The following NLGN1 variants were observed in gnomAD, a reference collection of about 807,000 sequenced individuals.
NLGN1 encodes the protein neuroligin 1, also known as neuroligin-1.
A neutral mutation model predicts 65.5 loss-of-function variants in NLGN1; 12 were observed. The ratio of observed to expected loss-of-function variants is 0.18; its 90% confidence interval spans 0.12 to 0.30. The LOEUF is 0.30. Among genes scored for constraint, NLGN1 ranks in the 10% least tolerant of loss-of-function variants. The pLI is 1.00. For synonymous variants in NLGN1, 350 were observed against 359.5 expected, an observed-to-expected ratio of 0.97 and a Z score of 0.30; for missense variants, 750 against 1,007.1, an observed-to-expected ratio of 0.74 and a Z score of 3.46.
chr3:174,103,967 T>A (rs1449889731), intron 4 of NLGN1, among the ~76,000 whole-genome samples: 1 of 152,120 alleles, frequency 6.6e-6, no homozygotes, highest in Non-Finnish European at 1.5e-5. Flanking sequence ...TTCTAGTTTA[T>A]CTTTTGTATA....
intron 2 of NLGN1, among the ~76,000 whole-genome samples, chr3:173,517,588 T>A (rs557693844): frequency 6.6e-6 from 1 of 152,130 alleles, no homozygotes; most frequent in Non-Finnish European, 1.5e-5. Flanking sequence ...CCAGTCATGC[T>A]TTTCCCCATC....
chr3:173,746,302 A>G (rs762088378), intron 3 of NLGN1, among the ~76,000 whole-genome samples: 7 of 152,082 alleles, frequency 4.6e-5, no homozygotes, highest in Non-Finnish European at 5.9e-5. Context: ...AAAAAAATTT[A>G]TCTCATTTTA....
intron 3 of NLGN1, among the ~76,000 whole-genome samples, chr3:173,704,326 C>A (rs1048817954): frequency 2.6e-5 from 4 of 152,074 alleles, no homozygotes; most frequent in Admixed American, 2.6e-4. Flanking sequence ...AAATGATGGT[C>A]AAAATTGGTG....
intron 4 of NLGN1, among the ~76,000 whole-genome samples, chr3:173,911,570 A>G (rs1739608474): frequency 6.6e-6 from 1 of 152,196 alleles, no homozygotes; most frequent in African/African-American, 2.4e-5. Context: ...TGGGGCATGT[A>G]GGCAAACCAA....
chr3:174,215,516 A>T (rs997361205), intron 4 of NLGN1, among the ~76,000 whole-genome samples: 8 of 152,172 alleles, frequency 5.3e-5, no homozygotes, highest in African/African-American at 1.9e-4. Flanking sequence ...AGTAGCATAA[A>T]TCTTAACTAA....
intron 2 of NLGN1, among the ~76,000 whole-genome samples, chr3:173,468,198 AATG>A (rs1223987117): frequency 6.6e-6 from 1 of 152,028 alleles, no homozygotes; most frequent in Non-Finnish European, 1.5e-5. Flanking sequence ...TTCAATGAAT[AATG>A]ATTGGGTCAA....
Position 173,989,250 on chromosome 3 carries a change from G to A in NLGN1, c.646+181418G>A, listed in dbSNP as rs187686621. On this transcript the variant is annotated intron_variant, in intron 4 of 6. Coordinates refer to ENST00000457714, the Ensembl canonical transcript of NLGN1. The stretch of plus-strand genomic sequence containing the variant: ...ATTGGGCAAATCTACATGGGAAATC[G>A]CATGCTTGTACTCAGAACAATCTAA... Among the ~76,000 whole-genome samples, 160 of 152,204 alleles carry A rather than the reference G, an allele frequency of 1.1e-3. 1 individual carries two copies. Among genetic ancestry groups the A allele is most frequent in the Admixed American group, 2.4e-3 (36 of 15,274 alleles).
At chr3:173,887,748 A>C (rs912580089) in intron 4 of NLGN1, among the ~76,000 whole-genome samples, 1 of 146,986 alleles carries the variant, frequency 6.8e-6, no homozygotes, top group Non-Finnish European at 1.5e-5. Flanking sequence ...CTTTCTAAAA[A>C]TAACCAGCTC....
In NLGN1 at chr3:174,064,949, T is replaced by G. The variant is rs138665877; in HGVS notation, c.647-210366T>G. Among the ~76,000 whole-genome samples, 913 of 151,476 alleles carry G rather than the reference T, an allele frequency of 6.0e-3. 17 individuals are homozygous for G. Among genetic ancestry groups the G allele is most frequent in the Admixed American group, 0.028 (433 of 15,196 alleles). ...TGTTAGCTTCTATTATATTGTCTTA[T>G]AAAACATTAAAAAATATCTTAAAGA... On this transcript the variant is annotated intron_variant, in intron 4 of 6. Coordinates refer to ENST00000457714, the Ensembl canonical transcript of NLGN1.
intron 4 of NLGN1, among the ~76,000 whole-genome samples, chr3:174,226,169 G>A (rs948897178): frequency 2.0e-5 from 3 of 152,052 alleles, no homozygotes; most frequent in Admixed American, 2.0e-4. Flanking sequence ...TATGAAGAAA[G>A]CATGGAAGTT....
At position 173,736,059 on chromosome 3, in the gene NLGN1, T is replaced by C. The variant is rs142783013; in HGVS notation, c.494-71621T>C. On this transcript the variant is annotated intron_variant, in intron 3 of 6. Transcript: ENST00000457714. ...GGAAGCACAGAAAAGTTGGAAGACT[T>C]CATGTTTGGGAGGTAGGCACAGACT... Among the ~76,000 whole-genome samples, 715 of 152,034 alleles carry C rather than the reference T, an allele frequency of 4.7e-3. 2 individuals carry two copies. Among genetic ancestry groups the C allele is most frequent in the Admixed American group, 6.5e-3 (99 of 15,228 alleles).
At chr3:173,470,649 TGA>T (rs1725163404) in intron 2 of NLGN1, among the ~76,000 whole-genome samples, 1 of 152,130 alleles carries the variant, frequency 6.6e-6, no homozygotes, top group Non-Finnish European at 1.5e-5. Context: ...TAGAATTAAA[TGA>T]GAGAACATTT....
chr3:173,533,972 ACT>A (rs1737040128), intron 2 of NLGN1, among the ~76,000 whole-genome samples: 1 of 152,170 alleles, frequency 6.6e-6, no homozygotes, highest in East Asian at 1.9e-4. Flanking sequence ...ACACAATGAG[ACT>A]CTGACTCAAA....
intron 4 of NLGN1, among the ~76,000 whole-genome samples, chr3:173,890,434 C>A (rs886578049): frequency 6.6e-6 from 1 of 152,140 alleles, no homozygotes; most frequent in African/African-American, 2.4e-5. Flanking sequence ...GGTGCAAAAT[C>A]TATCTGGCCT....
chr3:173,735,880 T>A (rs540680588), intron 3 of NLGN1, among the ~76,000 whole-genome samples: 1 of 152,264 alleles, frequency 6.6e-6, no homozygotes, highest in African/African-American at 2.4e-5. Context: ...CAATTACAGG[T>A]GGCATTTTGA....
At chr3:174,102,176 A>T (rs1454451138) in intron 4 of NLGN1, among the ~76,000 whole-genome samples, 1 of 152,060 alleles carries the variant, frequency 6.6e-6, no homozygotes, top group African/African-American at 2.4e-5. Flanking sequence ...GCTGAATGTG[A>T]TTTCTCTTAG....
chr3:173,831,763 G>T (rs1467699135), intron 4 of NLGN1, among the ~76,000 whole-genome samples: 1 of 152,028 alleles, frequency 6.6e-6, no homozygotes, highest in Non-Finnish European at 1.5e-5. Flanking sequence ...TTTTAAGTGA[G>T]AATGCTTGAT....
chr3:174,247,752 C>T (rs1744060862), intron 4 of NLGN1, among the ~76,000 whole-genome samples: 1 of 152,152 alleles, frequency 6.6e-6, no homozygotes, highest in African/African-American at 2.4e-5. Flanking sequence ...CAAAAACAGC[C>T]ATCTCAGCTG....
intron 2 of NLGN1, among the ~76,000 whole-genome samples, chr3:173,551,464 G>A (rs576283494): frequency 1.3e-5 from 2 of 152,236 alleles, no homozygotes; most frequent in African/African-American, 4.8e-5. Flanking sequence ...ATTGTTTCAT[G>A]TTTTTTAAAT....
Sources: allele counts gnomAD v4.1 joint callset (sites outside exome capture counted in the v4.1 genomes callset), GRCh38; gene constraint gnomAD v4.1.1; transcripts MANE v1.5; gene names NCBI Gene and HGNC (gene_info 2026-07-23, HGNC 2026-07-21).